EBF1: variants seen among roughly 807,000 people sequenced by gnomAD.
The protein encoded by EBF1 is transcription factor COE1.
EBF1 carries 10 observed loss-of-function variants against 68.4 expected under a neutral mutation model. That is an observed-to-expected ratio of 0.15 (90% CI 0.09 to 0.25). The LOEUF (loss-of-function observed/expected upper bound fraction) is 0.25, where lower values mean the gene tolerates loss of function less well. Ranked by LOEUF, EBF1 falls within the 10% of genes least tolerant of loss-of-function variation. EBF1 has a pLI of 1.00. For missense variants in EBF1, 509 were observed against 794.4 expected (o/e 0.64, Z 4.32); for synonymous variants, 298 against 299.8 (o/e 0.99, Z 0.06).
At chr5:158,715,175 A>G (rs1760381039) in intron 11 of EBF1, among the ~76,000 whole-genome samples, 1 of 152,240 alleles carries the variant, frequency 6.6e-6, no homozygotes, top group Non-Finnish European at 1.5e-5. Flanking sequence ...TGGTAGGATC[A>G]TCAGAGGTGA....
intron 9 of EBF1, among the ~76,000 whole-genome samples, chr5:158,791,890 C>A (rs1445823794): frequency 6.6e-6 from 1 of 152,106 alleles, no homozygotes. Flanking sequence ...CTTTAATTAC[C>A]CATGGTACCT....
intron 8 of EBF1, among the ~76,000 whole-genome samples, chr5:158,811,362 T>C (rs191775991): frequency 1.6e-4 from 25 of 152,324 alleles, no homozygotes; most frequent in East Asian, 1.2e-3. Context: ...AGAATTTCTC[T>C]CCACGTCTGA....
chr5:159,058,532 A>C (rs886622736), intron 6 of EBF1, among the ~76,000 whole-genome samples: 2 of 152,198 alleles, frequency 1.3e-5, no homozygotes, highest in Non-Finnish European at 2.9e-5. Context: ...ACAATGACAA[A>C]GTTGTGTGTG....
At chr5:159,095,745 A>G (rs761140029) in intron 3 of EBF1, 70 bp from the exon 4 acceptor site, 11 of 1,523,246 alleles carry the variant, frequency 7.2e-6, no homozygotes, top group Non-Finnish European at 1.0e-5. Context: ...GACAATAATT[A>G]ACAACAACAA....
chr5:158,841,002 C>A (rs1790245182), intron 6 of EBF1, among the ~76,000 whole-genome samples: 1 of 152,146 alleles, frequency 6.6e-6, no homozygotes, highest in South Asian at 2.1e-4. Context: ...CTGCTGTAGA[C>A]AAGAGCTAGC....
chr5:159,030,904 G>A (rs1405163580), intron 6 of EBF1, among the ~76,000 whole-genome samples: 1 of 152,158 alleles, frequency 6.6e-6, no homozygotes, highest in Admixed American at 6.5e-5. Context: ...CGGGCATGGT[G>A]GTTCATGCCT....
intron 14 of EBF1, among the ~76,000 whole-genome samples, chr5:158,710,710 A>T (rs1210183175): frequency 6.6e-6 from 1 of 152,254 alleles, no homozygotes; most frequent in Non-Finnish European, 1.5e-5. Flanking sequence ...AACTTCTCTT[A>T]CAGGGCAAGA....
intron 6 of EBF1, among the ~76,000 whole-genome samples, chr5:158,913,766 C>G (rs1187997325): frequency 6.6e-6 from 1 of 152,164 alleles, no homozygotes; most frequent in Non-Finnish European, 1.5e-5. Context: ...GGAGGCTTTT[C>G]AATCAATAAC....
intron 7 of EBF1, among the ~76,000 whole-genome samples, chr5:158,830,388 A>G (rs1275741622): frequency 6.6e-6 from 1 of 152,198 alleles, no homozygotes; most frequent in Admixed American, 6.5e-5. Context: ...CTCCTGCCTC[A>G]GCCTCCTGAC....
At chr5:158,814,746 T>C (rs1416504528) in intron 8 of EBF1, among the ~76,000 whole-genome samples, 5 of 152,182 alleles carry the variant, frequency 3.3e-5, no homozygotes, top group Admixed American at 6.5e-5. Flanking sequence ...TCTAGGGAGA[T>C]GAGTTAGGAC....
At chr5:158,887,022 A>T (rs1236955978) in intron 6 of EBF1, among the ~76,000 whole-genome samples, 1 of 152,210 alleles carries the variant, frequency 6.6e-6, no homozygotes, top group Non-Finnish European at 1.5e-5. Context: ...GAGAGACTTT[A>T]TATTAACAGA....
chr5:158,818,776 G>A (rs1784232281), intron 8 of EBF1, among the ~76,000 whole-genome samples: 1 of 152,078 alleles, frequency 6.6e-6, no homozygotes, highest in Non-Finnish European at 1.5e-5. Flanking sequence ...AACTGAGTAT[G>A]TTTTAAAGAA....
chr5:159,033,510 CTT>C (rs1769374054), intron 6 of EBF1, among the ~76,000 whole-genome samples: 1 of 152,170 alleles, frequency 6.6e-6, no homozygotes, highest in African/African-American at 2.4e-5. Flanking sequence ...TGAAGAAAGA[CTT>C]TACACAAAAG....
intron 6 of EBF1, among the ~76,000 whole-genome samples, chr5:159,014,464 T>TAG (rs1208095294): frequency 1.3e-5 from 2 of 152,298 alleles, no homozygotes; most frequent in East Asian, 3.9e-4. Flanking sequence ...CACCCCTAAC[T>TAG]AGAGTTATCC....
intron 6 of EBF1, among the ~76,000 whole-genome samples, chr5:159,068,194 T>C (rs1227563576): frequency 1.3e-5 from 2 of 152,174 alleles, no homozygotes; most frequent in Non-Finnish European, 2.9e-5. Context: ...ATTATATATT[T>C]ATGTTCATGT....
chr5:158,955,322 T>TAA (rs1240103671), intron 6 of EBF1, among the ~76,000 whole-genome samples: 1 of 146,514 alleles, frequency 6.8e-6, no homozygotes, highest in Non-Finnish European at 1.5e-5. Context: ...AAACTCCATC[T>TAA]AAAAAAAAAA....
intron 10 of EBF1, among the ~76,000 whole-genome samples, chr5:158,763,525 C>T (rs927003589): frequency 6.6e-6 from 1 of 152,172 alleles, no homozygotes; most frequent in East Asian, 1.9e-4. Context: ...TTTTTGTCAA[C>T]AGACAGAAAA....
intron 6 of EBF1, among the ~76,000 whole-genome samples, chr5:159,064,030 C>A (rs1032490698): frequency 2.0e-5 from 3 of 151,968 alleles, no homozygotes; most frequent in African/African-American, 7.2e-5. Flanking sequence ...TCCCAGATTT[C>A]TGTATGGATT....
At chr5:158,748,561 C>A (rs765142293) in intron 10 of EBF1, among the ~76,000 whole-genome samples, 1 of 152,134 alleles carries the variant, frequency 6.6e-6, no homozygotes, top group Non-Finnish European at 1.5e-5. Flanking sequence ...TTCTTTCTGG[C>A]TTGTCTGAAG....
Sources: allele counts gnomAD v4.1 joint callset (sites outside exome capture counted in the v4.1 genomes callset), GRCh38; gene constraint gnomAD v4.1.1; transcripts MANE v1.5; gene names NCBI Gene and HGNC (gene_info 2026-07-23, HGNC 2026-07-21).